The following ZNF469 variants were observed in gnomAD, a reference collection of about 807,000 sequenced individuals.
ZNF469 encodes zinc finger protein 469.
Under a neutral mutation model 1.0 loss-of-function variants are expected in ZNF469, and 1 was observed. The observed-to-expected ratio is 1.00, with a 90% confidence interval of 0.35 to 4.73. ZNF469 has a LOEUF of 4.73. Ranked by LOEUF, ZNF469 falls within the 30% of genes most tolerant of loss-of-function variation. The pLI, the probability that ZNF469 is intolerant of heterozygous loss-of-function variation, is 0.16. For missense variants in ZNF469, 6,100 were observed against 5,356.3 expected, an observed-to-expected ratio of 1.14 and a Z score of -4.33; for synonymous variants, 2,703 against 2,363.4, an observed-to-expected ratio of 1.14 and a Z score of -4.17.
the ZNF469 span, among the ~76,000 whole-genome samples, chr16:88,263,095 G>A: frequency 2.1e-4 from 32 of 152,340 alleles, no homozygotes; most frequent in African/African-American, 7.2e-4. Context: ...TGAGAACTAG[G>A]AGTCTCCAGG....
the ZNF469 span, among the ~76,000 whole-genome samples, chr16:88,338,810 C>T: frequency 2.2e-3 from 341 of 152,274 alleles, 3 homozygotes; most frequent in Non-Finnish European, 1.4e-3. Flanking sequence ...AGGCCAAGAG[C>T]GTCACAGAAG....
At chr16:88,367,773 C>G in the ZNF469 span, among the ~76,000 whole-genome samples, 1 of 152,170 alleles carries the variant, frequency 6.6e-6, no homozygotes, top group African/African-American at 2.4e-5. Flanking sequence ...CCCTGGGGTC[C>G]CGGGCTCATG....
At chr16:88,385,219 T>A (rs1323439547) in intron 1 of ZNF469, among the ~76,000 whole-genome samples, 1 of 152,008 alleles carries the variant, frequency 6.6e-6, no homozygotes, top group East Asian at 1.9e-4. Flanking sequence ...TGCCCTCCCC[T>A]CCTTTCTCCT....
chr16:88,434,576 A>G lies in ZNF469; in HGVS notation c.7106A>G (p.Glu2369Gly). The change falls in exon 3 of 3, where the codon GAG becomes GGG. Residue 2369 changes from glutamate to glycine, a missense_variant. Physicochemically the swap from Glu to Gly is moderately conservative, Grantham distance 98. Transcript: ENST00000565624. ...GACTCCCCCGCCTGCCTGGAAGGTG[A>G]GATGGGGACCAGCAGCAAGGAGCCG... Reference protein sequence around the residue: ...GPDSPACLEGEMGTSSKEPED... With the variant: ...GPDSPACLEGGMGTSSKEPED... 1 of 1,550,316 alleles carries G rather than the reference A, an allele frequency of 6.5e-7. No individual in the cohort carries two copies. The highest frequency in any genetic ancestry group is 8.7e-7 in the Non-Finnish European group (1 of 1,146,930).
At chr16:88,264,764 CCTG>C in the ZNF469 span, among the ~76,000 whole-genome samples, 1 of 152,110 alleles carries the variant, frequency 6.6e-6, no homozygotes, top group African/African-American at 2.4e-5. Context: ...TCGTCCCACA[CCTG>C]CTGGGCTTTG....
At chr16:88,216,943 T>C in the ZNF469 span, among the ~76,000 whole-genome samples, 1 of 152,172 alleles carries the variant, frequency 6.6e-6, no homozygotes, top group African/African-American at 2.4e-5. Context: ...TTTTTCTTCA[T>C]AGAATTCTAA....
At chr16:88,155,523 T>C in the ZNF469 span, among the ~76,000 whole-genome samples, 1 of 152,174 alleles carries the variant, frequency 6.6e-6, no homozygotes, top group Non-Finnish European at 1.5e-5. Flanking sequence ...TTCTGTGGAT[T>C]TGCCAGTTCG....
chr16:88,405,758 G>A (rs1000483776), intron 1 of ZNF469, among the ~76,000 whole-genome samples: 5 of 152,160 alleles, frequency 3.3e-5, no homozygotes, highest in Non-Finnish European at 5.9e-5. Context: ...GGGCCACAGC[G>A]TCTGTCCCGG....
chr16:88,204,530 T>G, the ZNF469 span, among the ~76,000 whole-genome samples: 1 of 151,954 alleles, frequency 6.6e-6, no homozygotes, highest in Non-Finnish European at 1.5e-5. Flanking sequence ...GGGAGGCAGG[T>G]AGAGGAGAGA....
chr16:88,424,384 G>A lies in ZNF469; in HGVS notation c.-191-423G>A, dbSNP rs576373189. ...TGGTGTTTGCATCCAGGGACTCTGG[G>A]AGGAAACACCAGAAGCTCCTCTAGT... On this transcript the variant is annotated intron_variant, in intron 1 of 2. Transcript: ENST00000565624. The surrounding 1 kb of genome is among the most constrained non-coding windows in gnomAD (Gnocchi z 4.3). Among the ~76,000 whole-genome samples the A allele has an allele frequency of 2.6e-5, 4 of 152,322 alleles. No individual in the cohort carries two copies. Among genetic ancestry groups the A allele is most frequent in the South Asian group, 4.1e-4 (2 of 4,828 alleles).
the ZNF469 span, among the ~76,000 whole-genome samples, chr16:88,158,808 G>T: frequency 2.0e-5 from 3 of 152,286 alleles, no homozygotes; most frequent in East Asian, 1.9e-4. Context: ...GGTCTGGGGG[G>T]CACCGGGCAG....
the ZNF469 span, chr16:88,234,843 A>G: frequency 6.6e-6 from 1 of 152,202 alleles, no homozygotes; most frequent in Non-Finnish European, 1.5e-5. Context: ...GGCCGGACGC[A>G]GTGCAAGCAA....
chr16:88,316,421 C>A, the ZNF469 span, among the ~76,000 whole-genome samples: 3 of 152,164 alleles, frequency 2.0e-5, no homozygotes, highest in Non-Finnish European at 4.4e-5. Context: ...AGTAACACTC[C>A]TTCCGGGGTT....
the ZNF469 span, among the ~76,000 whole-genome samples, chr16:88,135,341 C>T: frequency 3.9e-5 from 6 of 152,266 alleles, no homozygotes; most frequent in African/African-American, 1.4e-4. Context: ...GAATTCCAGG[C>T]TCACTGAGAA....
the ZNF469 span, among the ~76,000 whole-genome samples, chr16:88,282,817 T>C: frequency 6.6e-6 from 1 of 152,174 alleles, no homozygotes; most frequent in African/African-American, 2.4e-5. Context: ...TCACTGCGGC[T>C]ATAAAAACTC....
the ZNF469 span, among the ~76,000 whole-genome samples, chr16:88,274,662 C>T: frequency 6.6e-6 from 1 of 152,206 alleles, no homozygotes; most frequent in African/African-American, 2.4e-5. Flanking sequence ...TGCTTGCTTG[C>T]TCATTTTTCT....
At position 88,396,486 on chromosome 16, in the gene ZNF469, G is replaced by A. The variant is rs561084539; in HGVS notation, c.-192+13232G>A. Among the ~76,000 whole-genome samples, 116 of 144,934 alleles carry A rather than the reference G, an allele frequency of 8.0e-4. 1 individual carries two copies. Among genetic ancestry groups the A allele is most frequent in the African/African-American group, 2.8e-3 (110 of 38,916 alleles). Reference sequence around the variant, plus strand: ...GCGGAGACCCTCCTGAAGGGAGGCCGGGAGGAGACCCTCATGAAGGGAGGC... The same window carrying A: ...GCGGAGACCCTCCTGAAGGGAGGCCAGGAGGAGACCCTCATGAAGGGAGGC... On this transcript the variant is annotated intron_variant, in intron 1 of 2. Transcript: ENST00000565624.
At chr16:88,390,649 C>T (rs1352648515) in intron 1 of ZNF469, among the ~76,000 whole-genome samples, 3 of 152,208 alleles carry the variant, frequency 2.0e-5, no homozygotes, top group African/African-American at 4.8e-5. Context: ...CGGATGCCGC[C>T]GGGCACTGCC....
At chr16:88,270,767 C>T in the ZNF469 span, among the ~76,000 whole-genome samples, 280 of 152,382 alleles carry the variant, frequency 1.8e-3, 5 homozygotes, top group East Asian at 0.038. Context: ...AAAAGCCCAT[C>T]GCTGAACACT....
Sources: gnomAD v4.1 joint callset for allele counts (sites outside exome capture counted in the v4.1 genomes callset) on GRCh38, gnomAD v4.1.1 for gene constraint, Gnocchi (gnomAD v3.1) non-coding constraint, MANE v1.5 for transcripts, NCBI Gene and HGNC (gene_info 2026-07-23, HGNC 2026-07-21) for gene names.